The following PLA2G5 variants were observed in gnomAD, a reference collection of about 807,000 sequenced individuals.
The protein encoded by PLA2G5 is phospholipase A2 group V.
PLA2G5 carries 12 observed loss-of-function variants against 15.9 expected under a neutral mutation model. The observed-to-expected ratio is 0.76, with a 90% confidence interval of 0.48 to 1.23. The LOEUF (loss-of-function observed/expected upper bound fraction) is 1.23. PLA2G5 is among the 50% of genes most tolerant of loss of function. PLA2G5 has a pLI of 0.00. For missense variants in PLA2G5, 169 were observed against 177.1 expected, an observed-to-expected ratio of 0.95 and a Z score of 0.26; for synonymous variants, 71 against 71.4, an observed-to-expected ratio of 0.99 and a Z score of 0.03.
intron 1 of PLA2G5, among the ~76,000 whole-genome samples, chr1:20,073,231 A>C (rs2015481848): frequency 6.6e-6 from 1 of 152,246 alleles, no homozygotes; most frequent in African/African-American, 2.4e-5. Context: ...ACAGAAACAA[A>C]GACAGAAAGG....
intron 1 of PLA2G5, among the ~76,000 whole-genome samples, chr1:20,043,662 A>G (rs1403700392): frequency 6.6e-6 from 1 of 152,196 alleles, no homozygotes; most frequent in Non-Finnish European, 1.5e-5. Flanking sequence ...CAGCCTAATA[A>G]GGGAACAGGG....
At position 20,046,549 on chromosome 1, in the gene PLA2G5, C is replaced by T. The variant is rs1272627268; in HGVS notation, n.277-13083C>T. On this transcript the variant is annotated intron_variant and non_coding_transcript_variant, in intron 1 of 6. Coordinates refer to the PLA2G5 transcript ENST00000460175. The stretch of plus-strand genomic sequence containing the variant: ...TAGAAAAGGCTTTTAATGACTTGAA[C>T]CCCTTTAAATAATTCAGAACAAAGG... Among the ~76,000 whole-genome samples, 3 of 152,182 alleles carry T rather than the reference C, an allele frequency of 2.0e-5. No individual in the cohort carries two copies. The East Asian group carries it at 5.8e-4, about 29-fold the overall frequency.
chr1:20,057,371 C>T (rs2014489431), intron 1 of PLA2G5, among the ~76,000 whole-genome samples: 1 of 151,346 alleles, frequency 6.6e-6, no homozygotes, highest in South Asian at 2.1e-4. Flanking sequence ...CCTTTAAACA[C>T]TGTTGTCACT....
intron 1 of PLA2G5, among the ~76,000 whole-genome samples, chr1:20,041,835 A>C (rs929505164): frequency 2.6e-5 from 4 of 152,126 alleles, no homozygotes; most frequent in Non-Finnish European, 5.9e-5. Context: ...AAGGAGAAAA[A>C]CTGGCAGTGA....
At chr1:20,080,595 A>AAACCCCATCTCTAC (rs1314458101) in intron 1 of PLA2G5, among the ~76,000 whole-genome samples, 4 of 149,292 alleles carry the variant, frequency 2.7e-5, no homozygotes, top group African/African-American at 1.0e-4. Context: ...AACAACCAAA[A>AAACCCCATCTCTAC]TAAACAACTG....
intron 1 of PLA2G5, among the ~76,000 whole-genome samples, chr1:20,036,720 C>T (rs1334176522): frequency 2.2e-4 from 34 of 152,096 alleles, no homozygotes; most frequent in Non-Finnish European, 1.5e-5. Flanking sequence ...GGCTGGAGTT[C>T]AATGGCATGA....
chr1:20,081,172 A>G (rs2015998093), intron 1 of PLA2G5, among the ~76,000 whole-genome samples: 1 of 150,058 alleles, frequency 6.7e-6, no homozygotes, highest in African/African-American at 2.5e-5. Flanking sequence ...CTCCTCTGAA[A>G]TTCTCTCGCG....
chr1:20,085,974 AG>A (rs1237914979), intron 2 of PLA2G5, 108 bp from the exon 3 acceptor site: 3 of 1,038,968 alleles, frequency 2.9e-6, no homozygotes, highest in Non-Finnish European at 4.3e-6. Context: ...AGAGACATGC[AG>A]GTCCCTCCAA....
intron 3 of PLA2G5, 106 bp from the exon 4 acceptor site, chr1:20,089,683 C>A (rs945692961): frequency 1.3e-6 from 1 of 792,690 alleles, no homozygotes; most frequent in African/African-American, 1.7e-5. Flanking sequence ...TCGCGTCCAC[C>A]AAGGTGGCCT....
intron 1 of PLA2G5, among the ~76,000 whole-genome samples, chr1:20,073,554 A>C (rs1164311316): frequency 1.3e-5 from 2 of 152,170 alleles, no homozygotes; most frequent in South Asian, 4.1e-4. Flanking sequence ...CCATCCCATC[A>C]TTCTTTTATT....
At chr1:20,034,060 G>C (rs2013113411) in intron 1 of PLA2G5, among the ~76,000 whole-genome samples, 1 of 152,116 alleles carries the variant, frequency 6.6e-6, no homozygotes, top group Non-Finnish European at 1.5e-5. Context: ...CCTGGGTTTG[G>C]GCTACCTGAG....
At chr1:20,033,711 C>G (rs1253931597) in intron 1 of PLA2G5, among the ~76,000 whole-genome samples, 1 of 152,054 alleles carries the variant, frequency 6.6e-6, no homozygotes. Context: ...TTAGAATGTA[C>G]ATACAGAGTA....
rs535750201 is a variant in PLA2G5, at chr1:20,064,816, C to T, written n.338-4057C>T. 5.3e-5 allele frequency among the ~76,000 whole-genome samples: 8 copies of T among 152,212 alleles called. 1 individual carries two copies. The East Asian group carries it at 1.5e-3, about 29-fold the overall frequency. ...TTGTCTGCTTGTAGGTCCTGCTATT[C>T]CAAGTGTGGACCATGTACCAGCTCC... On this transcript the variant is annotated intron_variant and non_coding_transcript_variant, in intron 2 of 6. Transcript: ENST00000460175.
intron 1 of PLA2G5, among the ~76,000 whole-genome samples, chr1:20,039,677 G>C (rs934532012): frequency 6.6e-6 from 1 of 150,954 alleles, no homozygotes; most frequent in South Asian, 2.1e-4. Flanking sequence ...AGTGGAGAGA[G>C]AGAGAGAGAG....
intron 1 of PLA2G5, among the ~76,000 whole-genome samples, chr1:20,040,106 T>G (rs1014162366): frequency 9.9e-5 from 15 of 152,184 alleles, no homozygotes; most frequent in African/African-American, 3.4e-4. Flanking sequence ...AACAAAAAAC[T>G]GTCCTTCCTA....
chr1:20,074,326 CTG>C (rs953456865), intron 1 of PLA2G5, among the ~76,000 whole-genome samples: 8 of 152,212 alleles, frequency 5.3e-5, no homozygotes, highest in African/African-American at 1.9e-4. Context: ...CCTGCATAAA[CTG>C]TTGCAGGGAG....
intron 2 of PLA2G5, among the ~76,000 whole-genome samples, chr1:20,085,487 A>G (rs992922369): frequency 6.6e-6 from 1 of 152,064 alleles, no homozygotes; most frequent in Non-Finnish European, 1.5e-5. Context: ...TCTTCCCTCC[A>G]TGCCTCAGTT....
At chr1:20,035,973 ACT>A (rs1253269171) in intron 1 of PLA2G5, among the ~76,000 whole-genome samples, 1 of 152,084 alleles carries the variant, frequency 6.6e-6, no homozygotes, top group Non-Finnish European at 1.5e-5. Flanking sequence ...TCTGAAAAGG[ACT>A]TTATCTTTCT....
upstream of PLA2G5, among the ~76,000 whole-genome samples, chr1:20,066,327 A>G (rs1438875504): frequency 6.6e-6 from 1 of 152,138 alleles, no homozygotes; most frequent in Non-Finnish European, 1.5e-5. Context: ...CAAGTCCTTT[A>G]TCAGATATGT....
Sources: gnomAD v4.1 joint callset for allele counts (sites outside exome capture counted in the v4.1 genomes callset) on GRCh38, gnomAD v4.1.1 for gene constraint, MANE v1.5 for transcripts, NCBI Gene and HGNC (gene_info 2026-07-23, HGNC 2026-07-21) for gene names.